The following MCU variants were observed in gnomAD, a reference collection of about 807,000 sequenced individuals.
MCU encodes the protein mitochondrial calcium uniporter.
In MCU, 12 loss-of-function variants were observed where a neutral mutation model predicts 45.2. That is an observed-to-expected ratio of 0.27 (90% confidence interval 0.17 to 0.43). The LOEUF (loss-of-function observed/expected upper bound fraction) is 0.43. Ranked by LOEUF, MCU falls within the 20% of genes least tolerant of loss-of-function variation. MCU has a pLI of 1.00. For synonymous variants in MCU, 160 were observed against 165.1 expected (o/e 0.97, Z 0.24); for missense variants, 324 against 436.7 (o/e 0.74, Z 2.30).
rs1845545070 is a variant in MCU at position 72,871,670 on chromosome 10, TTTTC to T, written c.861+94_861+97del. 19 of 1,135,076 alleles carry T rather than the reference TTTTC, an allele frequency of 1.7e-5. 1 individual carries two copies. Among genetic ancestry groups the T allele is most frequent in the Non-Finnish European group, 2.5e-5 (19 of 773,954 alleles). The allele number at this position is 1,135,076 out of a possible 1,614,324, so 70.3% of individuals were successfully genotyped here. The stretch of plus-strand genomic sequence containing the variant: ...CTTTTTTCTCATCTTCTAAAGCCAG[TTTTC>T]TTTAAGTACTCATCCTTTACACATA... On this transcript the variant is annotated intron_variant, in intron 6 of 7. Coordinates refer to ENST00000373053, the MANE Select transcript of MCU (RefSeq NM_138357.3).
intron 1 of MCU, among the ~76,000 whole-genome samples, chr10:72,809,343 G>A (rs1055434856): frequency 2.6e-5 from 4 of 152,048 alleles, no homozygotes; most frequent in African/African-American, 9.7e-5. Context: ...GTGACTTTAG[G>A]GCCTCTGCTC....
At chr10:72,876,967 G>T (rs1474505015) in intron 6 of MCU, among the ~76,000 whole-genome samples, 2 of 149,304 alleles carry the variant, frequency 1.3e-5, no homozygotes, top group South Asian at 4.2e-4. Context: ...TGTCTCCTAG[G>T]CTAGAATGCA....
chr10:72,748,778 C>T (rs1217296732), intron 1 of MCU, among the ~76,000 whole-genome samples: 6 of 151,902 alleles, frequency 3.9e-5, no homozygotes, highest in Non-Finnish European at 1.5e-5. Context: ...ATGTTTGTTA[C>T]AGTCTCAAGA....
intron 2 of MCU, among the ~76,000 whole-genome samples, chr10:72,854,005 G>A (rs970576127): frequency 6.6e-6 from 1 of 152,056 alleles, no homozygotes; most frequent in African/African-American, 2.4e-5. Context: ...GTGGTGGTGT[G>A]TACCTGTAAT....
At chr10:72,858,410 G>A (rs371035080) in intron 2 of MCU, among the ~76,000 whole-genome samples, 173 of 152,270 alleles carry the variant, frequency 1.1e-3, no homozygotes, top group Middle Eastern at 6.8e-3. Flanking sequence ...ACCACTCCAC[G>A]GTCGGTGGCC....
chr10:72,869,783 A>G (rs1589505962), intron 5 of MCU, among the ~76,000 whole-genome samples: 1 of 152,174 alleles, frequency 6.6e-6, no homozygotes, highest in African/African-American at 2.4e-5. Context: ...GGACTTTAAC[A>G]TCTATGTATT....
chr10:72,861,550 T>C (rs1158932150), intron 4 of MCU: 2 of 251,326 alleles, frequency 8.0e-6, no homozygotes, highest in East Asian at 3.1e-4. Context: ...TTTCACCATA[T>C]TGGTCAGGCT....
Position 72,788,863 on chromosome 10 carries a change from T to C in MCU, c.151-45496T>C, listed in dbSNP as rs190508854. 3.9e-5 allele frequency among the ~76,000 whole-genome samples: 6 copies of C among 152,358 alleles called. No homozygotes were observed. The East Asian group carries it at 1.2e-3, about 29-fold the overall frequency. ...TAGCAAACCGTATTTTAAAAGGTAC[T>C]GCAGTGAACCAGGTGGTTTGTTGGA... On this transcript the variant is annotated intron_variant, in intron 1 of 7. Transcript: ENST00000373053.
chr10:72,847,702 A>G (rs1455967536), intron 2 of MCU, among the ~76,000 whole-genome samples: 2 of 152,188 alleles, frequency 1.3e-5, no homozygotes, highest in South Asian at 2.1e-4. Flanking sequence ...ATCTTTTATT[A>G]TCTCTCATGT....
At chr10:72,878,892 A>G (rs1451126379) in intron 6 of MCU, among the ~76,000 whole-genome samples, 1 of 152,208 alleles carries the variant, frequency 6.6e-6, no homozygotes, top group Non-Finnish European at 1.5e-5. Flanking sequence ...TAAAGAGTTA[A>G]TGGCTGAGAA....
chr10:72,857,248 C>G (rs532640593), intron 2 of MCU, among the ~76,000 whole-genome samples: 2 of 151,536 alleles, frequency 1.3e-5, no homozygotes, highest in African/African-American at 4.8e-5. Context: ...TAAACCCCCC[C>G]CTTTTTTTTT....
chr10:72,777,317 G>A (rs556600434), intron 1 of MCU, among the ~76,000 whole-genome samples: 1 of 152,312 alleles, frequency 6.6e-6, no homozygotes, highest in Non-Finnish European at 1.5e-5. Context: ...GCTACAGTAA[G>A]CGAAATAGCG....
intron 1 of MCU, among the ~76,000 whole-genome samples, chr10:72,812,374 G>A (rs1378482421): frequency 6.6e-6 from 1 of 152,118 alleles, no homozygotes; most frequent in Non-Finnish European, 1.5e-5. Context: ...TCGAACTCCT[G>A]AGCTCAGGTG....
At position 72,730,234 on chromosome 10, in the gene MCU, T is replaced by C. The variant is rs139651320; in HGVS notation, c.150+37933T>C. 9.2e-3 allele frequency among the ~76,000 whole-genome samples: 1,403 copies of C among 152,030 alleles called. 8 individuals carry two copies. Among genetic ancestry groups the C allele is most frequent in the Non-Finnish European group, 0.017 (1,134 of 67,964 alleles). On this transcript the variant is annotated intron_variant, in intron 1 of 7. Transcript: ENST00000373053. ...CCTTAACCTCCCAAAGTGCTGGGAT[T>C]ACAGGCATGAGCCACCATGCCCAGC...
intron 1 of MCU, among the ~76,000 whole-genome samples, chr10:72,782,530 C>T (rs1844010688): frequency 6.6e-6 from 1 of 152,098 alleles, no homozygotes; most frequent in Non-Finnish European, 1.5e-5. Context: ...TGCCACCATA[C>T]CCAGCTAATT....
intron 1 of MCU, among the ~76,000 whole-genome samples, chr10:72,739,697 A>T (rs1008912986): frequency 6.4e-5 from 9 of 141,296 alleles, no homozygotes; most frequent in African/African-American, 2.4e-4. Context: ...GAACATTAAG[A>T]TTTTTTTTTT....
intron 1 of MCU, among the ~76,000 whole-genome samples, chr10:72,741,266 AT>A (rs1843327871): frequency 6.6e-6 from 1 of 151,750 alleles, no homozygotes; most frequent in Non-Finnish European, 1.5e-5. Context: ...CACCCGGCTA[AT>A]TTTTTGTATT....
chr10:72,731,560 A>G (rs564272816), intron 1 of MCU, among the ~76,000 whole-genome samples: 26 of 152,308 alleles, frequency 1.7e-4, no homozygotes, highest in African/African-American at 6.3e-4. Flanking sequence ...ATCTGATTCC[A>G]GAATGTTTCC....
chr10:72,749,156 A>G (rs747801517), intron 1 of MCU, among the ~76,000 whole-genome samples: 1 of 151,762 alleles, frequency 6.6e-6, no homozygotes, highest in Non-Finnish European at 1.5e-5. Context: ...ATGGTGGCAC[A>G]TGTATGTGGT....
Sources: gnomAD v4.1 joint callset for allele counts (sites outside exome capture counted in the v4.1 genomes callset) on GRCh38, gnomAD v4.1.1 for gene constraint, MANE v1.5 for transcripts, NCBI Gene and HGNC (gene_info 2026-07-23, HGNC 2026-07-21) for gene names.